Variants in CRYBB2 observed in about 807,000 individuals in gnomAD.
The protein encoded by CRYBB2 is crystallin beta B2.
Under a neutral mutation model 24.3 loss-of-function variants are expected in CRYBB2, and 12 were observed. The observed-to-expected ratio is 0.49, with a 90% CI of 0.32 to 0.80. The LOEUF (loss-of-function observed/expected upper bound fraction) is 0.80. Among genes scored for constraint, CRYBB2 ranks in the 30% least tolerant of loss-of-function variants. CRYBB2 has a pLI of 0.04. For synonymous variants in CRYBB2, 98 were observed against 101.6 expected (o/e 0.96, Z 0.21); for missense variants, 198 against 268.5 (o/e 0.74, Z 1.83).
intron 5 of CRYBB2, among the ~76,000 whole-genome samples, chr22:25,230,155 T>TGAC (rs1491254100): frequency 6.6e-4 from 28 of 42,248 alleles, no homozygotes; most frequent in Non-Finnish European, 1.2e-3. Context: ...TTGTAAGAAC[T>TGAC]TTTTTTTTTT....
At chr22:25,229,074 TG>T (rs1223616167) in intron 4 of CRYBB2, among the ~76,000 whole-genome samples, 35 of 149,894 alleles carry the variant, frequency 2.3e-4, no homozygotes, top group African/African-American at 7.7e-4. Context: ...CATGTGTGCG[TG>T]TGCACACATG....
chr22:25,223,855 TC>T (rs1366645918), intron 2 of CRYBB2, among the ~76,000 whole-genome samples: 1 of 152,056 alleles, frequency 6.6e-6, no homozygotes, highest in African/African-American at 2.4e-5. Flanking sequence ...GCGCGGTGGC[TC>T]ACGCCTGTAA....
At chr22:25,216,575 G>T (rs1935172380), upstream of CRYBB2, among the ~76,000 whole-genome samples, 1 of 152,192 alleles carries the variant, frequency 6.6e-6, no homozygotes, top group Admixed American at 6.5e-5. Flanking sequence ...CAGGCTTCCA[G>T]CCTCCAGAAT....
chr22:25,218,830 G>GA (rs1379308526), upstream of CRYBB2, among the ~76,000 whole-genome samples: 10 of 109,578 alleles, frequency 9.1e-5, no homozygotes, highest in African/African-American at 3.8e-4. Context: ...AAGAAAGAAA[G>GA]AAAGAAAGAG....
intron 3 of CRYBB2, among the ~76,000 whole-genome samples, chr22:25,226,184 G>C: frequency 6.6e-6 from 1 of 150,756 alleles, no homozygotes; most frequent in African/African-American, 2.4e-5. Context: ...GTGTGTGTGT[G>C]TGTGTGTGTG....
At chr22:25,212,989 C>G (rs1935124857) in intron 1 of CRYBB2, 1 of 152,226 alleles carries the variant, frequency 6.6e-6, no homozygotes, top group Non-Finnish European at 1.5e-5. Context: ...GAATAATTGC[C>G]TAACTGCTTT....
chr22:25,213,350 G>C (rs1935129486), intron 1 of CRYBB2: 1 of 152,138 alleles, frequency 6.6e-6, no homozygotes, highest in Admixed American at 6.5e-5. Flanking sequence ...AGATGAAGTG[G>C]AGAGGAAGGT....
upstream of CRYBB2, among the ~76,000 whole-genome samples, chr22:25,218,090 T>G (rs1201949449): frequency 6.6e-6 from 1 of 151,430 alleles, no homozygotes; most frequent in African/African-American, 2.4e-5. Context: ...AAACACCGTC[T>G]CTACTAAAAA....
chr22:25,218,835 AAAG>A (rs1445399964), upstream of CRYBB2, among the ~76,000 whole-genome samples: 6 of 116,382 alleles, frequency 5.2e-5, no homozygotes, highest in Non-Finnish European at 8.7e-5. Context: ...AGAAAGAAAG[AAAG>A]AGAAAGAAAG....
chr22:25,228,735 A>G (rs1935468414), intron 4 of CRYBB2, among the ~76,000 whole-genome samples: 1 of 152,220 alleles, frequency 6.6e-6, no homozygotes, highest in African/African-American at 2.4e-5. Flanking sequence ...CGCTTTCCTC[A>G]TCTGCTAAAT....
upstream of CRYBB2, among the ~76,000 whole-genome samples, chr22:25,217,689 G>C (rs190446089): frequency 1.3e-5 from 2 of 152,248 alleles, no homozygotes; most frequent in Admixed American, 1.3e-4. Flanking sequence ...GGTAAACCAG[G>C]GGGACAACTT....
At chr22:25,228,227 A>AT (rs1449439774) in intron 4 of CRYBB2, among the ~76,000 whole-genome samples, 28 of 146,982 alleles carry the variant, frequency 1.9e-4, no homozygotes, top group African/African-American at 6.9e-4. Flanking sequence ...TGAGGTTCCA[A>AT]TGTGCTTATT....
upstream of CRYBB2, among the ~76,000 whole-genome samples, chr22:25,212,491 C>G (rs112318170): frequency 6.6e-6 from 1 of 152,228 alleles, no homozygotes; most frequent in Non-Finnish European, 1.5e-5. Flanking sequence ...ATTAGGGGGC[C>G]TCAGCAAATG....
intron 1 of CRYBB2, among the ~76,000 whole-genome samples, chr22:25,220,566 G>C (rs1254152510): frequency 6.6e-6 from 1 of 152,170 alleles, no homozygotes; most frequent in African/African-American, 2.4e-5. Flanking sequence ...TCTTCCTCCT[G>C]GGAAACATCC....
upstream of CRYBB2, among the ~76,000 whole-genome samples, chr22:25,216,955 T>C (rs2146082231): frequency 6.6e-6 from 1 of 152,356 alleles, no homozygotes; most frequent in Admixed American, 6.5e-5. Flanking sequence ...CAGAATTTCC[T>C]TTCTTTTTAA....
chr22:25,215,105 G>T (rs1234133922), upstream of CRYBB2, among the ~76,000 whole-genome samples: 1 of 152,152 alleles, frequency 6.6e-6, no homozygotes, highest in African/African-American at 2.4e-5. Flanking sequence ...TTGGGAACAG[G>T]CCCCCAAAAT....
upstream of CRYBB2, among the ~76,000 whole-genome samples, chr22:25,216,175 G>T (rs1468661923): frequency 6.6e-6 from 1 of 152,170 alleles, no homozygotes; most frequent in East Asian, 1.9e-4. Context: ...ATTAACTGAG[G>T]TCTATTATGG....
At position 25,228,639 on chromosome 22, in the gene CRYBB2, G is replaced by C. The variant is rs8135297; in HGVS notation, c.306+654G>C. Among the ~76,000 whole-genome samples the C allele has an allele frequency of 5.9e-5, 9 of 152,028 alleles. No individual in the cohort carries two copies. In the South Asian group the frequency reaches 6.2e-4, roughly 11 times the overall value. On this transcript the variant is annotated intron_variant, in intron 4 of 5. Coordinates refer to ENST00000398215, the MANE Select transcript of CRYBB2 (RefSeq NM_000496.3). ...TGGAAGGTTGGGGAACACGGGACTT[G>C]GCACCCCACAGACCTGGGTTCCCAA...
At chr22:25,219,071 G>C (rs1935276902), upstream of CRYBB2, among the ~76,000 whole-genome samples, 3 of 151,992 alleles carry the variant, frequency 2.0e-5, no homozygotes, top group South Asian at 6.2e-4. Flanking sequence ...GCTTGGAACT[G>C]TCCCCCCACC....
Sources: allele counts gnomAD v4.1 joint callset (sites outside exome capture counted in the v4.1 genomes callset), GRCh38; gene constraint gnomAD v4.1.1; transcripts MANE v1.5; gene names NCBI Gene and HGNC (gene_info 2026-07-23, HGNC 2026-07-21).